Variants in CAMK1D observed in about 807,000 individuals in gnomAD.
CAMK1D encodes the protein calcium/calmodulin dependent protein kinase ID, also known as calcium/calmodulin-dependent protein kinase type 1D.
CAMK1D carries 9 observed loss-of-function variants against 47.7 expected under a neutral mutation model. That is an observed-to-expected ratio of 0.19 (90% CI 0.11 to 0.33). The LOEUF (loss-of-function observed/expected upper bound fraction) is 0.33, where lower values mean the gene tolerates loss of function less well. CAMK1D is among the 10% of genes least tolerant of loss of function. The pLI, the probability that CAMK1D is intolerant of heterozygous loss-of-function variation, is 1.00. For missense variants in CAMK1D, 291 were observed against 488.7 expected (o/e 0.60, Z 3.81); for synonymous variants, 184 against 184.9 (o/e 0.99, Z 0.04).
At chr10:12,413,756 A>C (rs1839753483) in intron 1 of CAMK1D, among the ~76,000 whole-genome samples, 1 of 152,162 alleles carries the variant, frequency 6.6e-6, no homozygotes, top group African/African-American at 2.4e-5. Flanking sequence ...ATTTCAGACC[A>C]AAACTTTGCC....
chr10:12,756,754 G>A (rs767835560), intron 3 of CAMK1D, among the ~76,000 whole-genome samples: 2 of 152,078 alleles, frequency 1.3e-5, no homozygotes, highest in African/African-American at 2.4e-5. Context: ...GTGAAACCCC[G>A]TCTCTACTAA....
intron 1 of CAMK1D, among the ~76,000 whole-genome samples, chr10:12,388,739 T>C (rs1838613071): frequency 6.6e-6 from 1 of 152,190 alleles, no homozygotes. Flanking sequence ...TACCTGGGGC[T>C]AGAGGCTCCA....
chr10:12,546,686 C>T (rs1189838530), intron 1 of CAMK1D, among the ~76,000 whole-genome samples: 1 of 151,900 alleles, frequency 6.6e-6, no homozygotes, highest in Non-Finnish European at 1.5e-5. Flanking sequence ...TGGAAACCAT[C>T]ATTCTCAGCA....
At chr10:12,355,296 C>T (rs189475363) in intron 1 of CAMK1D, among the ~76,000 whole-genome samples, 7 of 152,218 alleles carry the variant, frequency 4.6e-5, no homozygotes, top group African/African-American at 2.4e-5. Context: ...TAGAAACTTC[C>T]GTGGGTCAAG....
intron 3 of CAMK1D, among the ~76,000 whole-genome samples, chr10:12,704,170 T>C (rs2130730896): frequency 6.6e-6 from 1 of 152,070 alleles, no homozygotes; most frequent in Non-Finnish European, 1.5e-5. Context: ...TATTCATCCC[T>C]TTTTTTCCAG....
At chr10:12,728,615 C>T (rs1026587165) in intron 3 of CAMK1D, among the ~76,000 whole-genome samples, 1 of 152,232 alleles carries the variant, frequency 6.6e-6, no homozygotes, top group Non-Finnish European at 1.5e-5. Context: ...TTGGCTTCCA[C>T]ATTTATCATA....
At chr10:12,504,129 CTGTGTG>C (rs375226417) in intron 1 of CAMK1D, among the ~76,000 whole-genome samples, 6 of 146,436 alleles carry the variant, frequency 4.1e-5, no homozygotes, top group Non-Finnish European at 9.0e-5. Flanking sequence ...GTGTGTGTGT[CTGTGTG>C]TGTGTGTGTG....
intron 3 of CAMK1D, among the ~76,000 whole-genome samples, chr10:12,668,599 A>G (rs927023448): frequency 6.6e-6 from 1 of 152,196 alleles, no homozygotes; most frequent in Non-Finnish European, 1.5e-5. Flanking sequence ...GTAGGAAGTA[A>G]TCTCACAATA....
At chr10:12,366,883 C>T (rs979504179) in intron 1 of CAMK1D, among the ~76,000 whole-genome samples, 4 of 151,992 alleles carry the variant, frequency 2.6e-5, no homozygotes, top group Admixed American at 1.3e-4. Context: ...CGGCTTTATC[C>T]CCTATAAGAT....
At chr10:12,620,186 C>CAAAAAAAAAAAAAAAAAAAAAAA (rs56027797) in intron 2 of CAMK1D, among the ~76,000 whole-genome samples, 60 of 86,588 alleles carry the variant, frequency 6.9e-4, no homozygotes, top group Non-Finnish European at 9.8e-4. Flanking sequence ...GACTCCGTCT[C>CAAAAAAAAAAAAAAAAAAAAAAA]AAAAAAAAAA....
intron 3 of CAMK1D, among the ~76,000 whole-genome samples, chr10:12,752,323 C>T (rs4750255): frequency 0.25 from 37,450 of 152,084 alleles, 4,825 homozygotes; most frequent in Non-Finnish European, 0.29. Flanking sequence ...TGCCTACCCA[C>T]ACTTGTGCTA....
chr10:12,518,777 CAT>C (rs1835290505), intron 1 of CAMK1D, among the ~76,000 whole-genome samples: 1 of 99,694 alleles, frequency 1.0e-5, no homozygotes, highest in African/African-American at 3.7e-5. Context: ...GGACACAGCA[CAT>C]GTTTCAGAGA....
chr10:12,769,920 G>T, intron 5 of CAMK1D, 121 bp downstream of exon 5: 3 of 1,045,810 alleles, frequency 2.9e-6, no homozygotes, highest in Non-Finnish European at 4.2e-6. Context: ...AATCACAGCT[G>T]CCTTCACTTC....
At chr10:12,755,851 C>G (rs923293704) in intron 3 of CAMK1D, among the ~76,000 whole-genome samples, 2 of 152,096 alleles carry the variant, frequency 1.3e-5, no homozygotes, top group African/African-American at 4.8e-5. Context: ...AGTATCTTCC[C>G]CTTAGGACTA....
intron 1 of CAMK1D, among the ~76,000 whole-genome samples, chr10:12,364,876 T>C (rs973997095): frequency 3.3e-5 from 5 of 152,178 alleles, no homozygotes; most frequent in Non-Finnish European, 5.9e-5. Context: ...GGCATACCAC[T>C]GAAGGAAGCA....
rs1833463027 is a variant in CAMK1D, at chr10:12,833,946, A to G, written c.*5059A>G. 1 of 150,002 alleles carries G rather than the reference A, an allele frequency of 6.7e-6. No homozygotes were observed. The highest frequency in any genetic ancestry group is 2.1e-4 in the South Asian group (1 of 4,686). The allele number at this position is 150,002 out of a possible 1,614,324, so 9.3% of individuals were successfully genotyped here. A position where few individuals can be genotyped will look rare whatever the true frequency, so the allele number is the denominator to read the frequency against. On this transcript the variant is annotated 3_prime_UTR_variant, in exon 11 of 11. Transcript: ENST00000619168. ...AAAAAAAAAAAAAAAAAAGATGTAT[A>G]TACCTGTATGTGATCCACCACCCTT...
chr10:12,724,873 C>G (rs1039659175), intron 3 of CAMK1D, among the ~76,000 whole-genome samples: 7 of 144,660 alleles, frequency 4.8e-5, no homozygotes, highest in Admixed American at 2.8e-4. Context: ...GAGCCAGACC[C>G]CATCTCTTAA....
At chr10:12,692,969 G>A (rs1832987875) in intron 3 of CAMK1D, among the ~76,000 whole-genome samples, 1 of 152,144 alleles carries the variant, frequency 6.6e-6, no homozygotes, top group Non-Finnish European at 1.5e-5. Flanking sequence ...CAAACACTAG[G>A]CTAGATGCTG....
chr10:12,552,396 C>T (rs969709678), intron 1 of CAMK1D, among the ~76,000 whole-genome samples: 3 of 152,196 alleles, frequency 2.0e-5, no homozygotes, highest in African/African-American at 2.4e-5. Context: ...GTACCACCTG[C>T]AATACCGCTC....
Sources: allele counts gnomAD v4.1 joint callset (sites outside exome capture counted in the v4.1 genomes callset), GRCh38; gene constraint gnomAD v4.1.1; transcripts MANE v1.5; gene names NCBI Gene and HGNC (gene_info 2026-07-23, HGNC 2026-07-21).